Variants in WDFY4 observed in about 807,000 individuals in gnomAD.
The protein encoded by WDFY4 is WDFY family member 4.
WDFY4 carries 169 observed loss-of-function variants against 351.9 expected under a neutral mutation model. The ratio of observed to expected loss-of-function variants is 0.48; its 90% CI spans 0.42 to 0.55. WDFY4 has a LOEUF of 0.55. WDFY4 is among the 20% of genes least tolerant of loss of function. The pLI is 0.00. For missense variants in WDFY4, 3,803 were observed against 3,935.6 expected (o/e 0.97, Z 0.90); for synonymous variants, 1,622 against 1,574.6 (o/e 1.03, Z -0.71).
At chr10:48,717,341 C>T (rs533870298) in intron 2 of WDFY4, among the ~76,000 whole-genome samples, 74 of 152,164 alleles carry the variant, frequency 4.9e-4, no homozygotes, top group Admixed American at 1.8e-3. Flanking sequence ...AGTTCTAACC[C>T]GCTACTTTAA....
intron 30 of WDFY4, among the ~76,000 whole-genome samples, chr10:48,812,252 T>C (rs1454857751): frequency 6.8e-6 from 1 of 147,496 alleles, no homozygotes; most frequent in African/African-American, 2.6e-5. Context: ...TGCAGTGGCG[T>C]GATCTCGGCT....
chr10:48,745,565 T>C (rs2064983976), intron 12 of WDFY4: 3 of 472,224 alleles, frequency 6.4e-6, no homozygotes, highest in Non-Finnish European at 8.1e-6. Flanking sequence ...AGGGCCTCTG[T>C]GTATTTGTCA....
At chr10:48,864,391 A>C (rs1360846477) in intron 39 of WDFY4, among the ~76,000 whole-genome samples, 1 of 152,236 alleles carries the variant, frequency 6.6e-6, no homozygotes, top group Non-Finnish European at 1.5e-5. Context: ...AATTGAATAT[A>C]GACAAATTGT....
At chr10:48,807,798 T>G in intron 27 of WDFY4, 61 bp from the exon 28 acceptor site, 8 of 1,517,140 alleles carry the variant, frequency 5.3e-6, no homozygotes, top group Non-Finnish European at 7.2e-6. Flanking sequence ...GATTGCTTAC[T>G]GCAGCAAATA....
intron 47 of WDFY4, among the ~76,000 whole-genome samples, chr10:48,930,756 A>G (rs1026063934): frequency 2.6e-5 from 4 of 152,242 alleles, no homozygotes; most frequent in South Asian, 2.1e-4. Flanking sequence ...ATGTGTAATC[A>G]TAGAATGAAA....
At chr10:48,965,846 A>G (rs1368821299) in intron 54 of WDFY4, among the ~76,000 whole-genome samples, 1 of 152,162 alleles carries the variant, frequency 6.6e-6, no homozygotes, top group African/African-American at 2.4e-5. Flanking sequence ...GATATAGATT[A>G]TATCTATATC....
At chr10:48,833,172 TGAGA>T (rs35354863) in intron 39 of WDFY4, among the ~76,000 whole-genome samples, 380 of 135,870 alleles carry the variant, frequency 2.8e-3, no homozygotes, top group African/African-American at 8.5e-3. Context: ...TGTGTGTGTG[TGAGA>T]GAGAGAGAGA....
intron 51 of WDFY4, among the ~76,000 whole-genome samples, chr10:48,947,872 C>T (rs1017019296): frequency 9.2e-5 from 14 of 152,174 alleles, no homozygotes; most frequent in African/African-American, 1.7e-4. Flanking sequence ...AATGGTCTGA[C>T]GGAGAGAAAG....
At chr10:48,797,524 T>C (rs1427459316) in intron 24 of WDFY4, among the ~76,000 whole-genome samples, 1 of 152,242 alleles carries the variant, frequency 6.6e-6, no homozygotes, top group African/African-American at 2.4e-5. Flanking sequence ...TTTAAAATCA[T>C]AGTCATGATT....
Position 48,743,554 on chromosome 10 carries a change from T to C in WDFY4, c.2459+6T>C. 1 of 1,528,696 alleles carries C rather than the reference T, an allele frequency of 6.5e-7. No homozygotes were observed. Among genetic ancestry groups the C allele is most frequent in the Non-Finnish European group, 8.8e-7 (1 of 1,140,206 alleles). 94.7% of individuals were successfully genotyped at this position (1,528,696 alleles called of 1,614,324 possible). On this transcript the variant is annotated splice_donor_region_variant and intron_variant, in intron 12 of 61. Transcript: ENST00000325239. ...TGGCCAGACCTGGAGGAGAGGTAGCTTCTTCTGCCAGTGTGTCATCAGTGC... is the reference window on the plus strand; with the variant it reads ...TGGCCAGACCTGGAGGAGAGGTAGCCTCTTCTGCCAGTGTGTCATCAGTGC...
At chr10:48,844,133 T>C (rs1012557064) in intron 39 of WDFY4, among the ~76,000 whole-genome samples, 2 of 152,160 alleles carry the variant, frequency 1.3e-5, no homozygotes, top group Non-Finnish European at 2.9e-5. Context: ...TGAGAAACCA[T>C]TTTGGTTAAT....
intron 21 of WDFY4, among the ~76,000 whole-genome samples, chr10:48,789,250 A>G (rs2132731282): frequency 6.6e-6 from 1 of 152,354 alleles, no homozygotes. Flanking sequence ...ATGTTTGTAG[A>G]TGGGGATGCC....
At chr10:48,892,114 G>T (rs1388051961) in intron 44 of WDFY4, among the ~76,000 whole-genome samples, 3 of 152,170 alleles carry the variant, frequency 2.0e-5, no homozygotes, top group Non-Finnish European at 4.4e-5. Flanking sequence ...TATGGACAAT[G>T]GGCCTGCAGC....
At position 48,832,670 on chromosome 10, in the gene WDFY4, G is replaced by T. The variant is rs569203462; in HGVS notation, c.6624G>T (p.Met2208Ile). 6.4e-7 allele frequency: 1 copy of T among 1,550,536 alleles called. No homozygotes were observed. Among genetic ancestry groups the T allele is most frequent in the Non-Finnish European group, 8.7e-7 (1 of 1,146,298 alleles). Residue 2208 changes from methionine to isoleucine, a missense_variant, in exon 39 of 62, where the codon ATG (methionine) becomes ATT (isoleucine). Coordinates refer to ENST00000325239, the MANE Select transcript of WDFY4 (RefSeq NM_001394531.1). ...SGSLSSAMKL[M>I]PGRQAKDPEC... ...GCCTGTCCTCAGCCATGAAGCTGAT[G>T]CCCGGGCGGCAGGCCAAGGACCCTG...
intron 60 of WDFY4, 90 bp from the exon 61 acceptor site, chr10:48,981,277 C>A: frequency 1.0e-6 from 1 of 1,003,194 alleles, no homozygotes; most frequent in Non-Finnish European, 1.5e-6. Flanking sequence ...TAAATATGTG[C>A]GTATGTGTTT....
rs992218154 is a variant in WDFY4, at chr10:48,820,194, C to T, written c.5506-40C>T. 3.6e-5 allele frequency: 56 copies of T among 1,546,362 alleles called. No homozygotes were observed. In the Middle Eastern group the frequency reaches 5.2e-4, roughly 14 times the overall value. On this transcript the variant is annotated intron_variant, in intron 32 of 61. Coordinates refer to ENST00000325239, the MANE Select transcript of WDFY4 (RefSeq NM_001394531.1). ...CAGGTTGGTGGGAAAGAGCTTGAGG[C>T]AGGGCAGGCCACTCATGTTGGGGTT...
intron 43 of WDFY4, among the ~76,000 whole-genome samples, chr10:48,888,103 T>C (rs1315065118): frequency 6.6e-6 from 1 of 152,236 alleles, no homozygotes; most frequent in Non-Finnish European, 1.5e-5. Context: ...GCTAATGTAT[T>C]CATACAATCT....
intron 1 of WDFY4, among the ~76,000 whole-genome samples, chr10:48,705,266 G>T (rs1156261695): frequency 6.6e-6 from 1 of 152,166 alleles, no homozygotes; most frequent in Non-Finnish European, 1.5e-5. Context: ...TGTTCATCAT[G>T]GATTTCTTGA....
chr10:48,970,303 C>T lies in WDFY4; in HGVS notation c.8928+14C>T, dbSNP rs1222873033. ...CGCCTCCGGCAGGTATGGTCCAGCT[C>T]GTGCAGGTGCGGTCCTCAGGTGGGG... On this transcript the variant is annotated intron_variant, in intron 57 of 61. Coordinates refer to ENST00000325239, the MANE Select transcript of WDFY4 (RefSeq NM_001394531.1). 11 of 1,548,246 alleles carry T rather than the reference C, an allele frequency of 7.1e-6. No homozygotes were observed. Among genetic ancestry groups the T allele is most frequent in the South Asian group, 4.8e-5 (4 of 84,028 alleles).
Sources: gnomAD v4.1 joint callset for allele counts (sites outside exome capture counted in the v4.1 genomes callset) on GRCh38, gnomAD v4.1.1 for gene constraint, MANE v1.5 for transcripts, NCBI Gene and HGNC (gene_info 2026-07-23, HGNC 2026-07-21) for gene names.